ERP27: variants seen among roughly 807,000 people sequenced by gnomAD.
ERP27 encodes endoplasmic reticulum resident protein 27.
A neutral mutation model predicts 27.7 loss-of-function variants in ERP27; 23 were observed. The ratio of observed to expected loss-of-function variants is 0.83; its 90% confidence interval spans 0.60 to 1.18. The LOEUF (loss-of-function observed/expected upper bound fraction) is 1.18. Among genes scored for constraint, ERP27 ranks in the 50% most tolerant of loss-of-function variants. ERP27 has a pLI of 0.00. For synonymous variants in ERP27, 159 were observed against 118.3 expected, an observed-to-expected ratio of 1.34 and a Z score of -2.23; for missense variants, 363 against 327.9, an observed-to-expected ratio of 1.11 and a Z score of -0.83.
Position 14,914,689 on chromosome 12 carries a change from C to T in ERP27, c.*46G>A, listed in dbSNP as rs374539746. On this transcript the variant is annotated 3_prime_UTR_variant, in exon 7 of 7. Coordinates refer to ENST00000266397, the MANE Select transcript of ERP27 (RefSeq NM_152321.4). ...CTGAGATTTGAGTTGTGCCTTTTTA[C>T]TTTGCATAAAGTAGATACTTGGCCA... 7.0e-6 allele frequency: 11 copies of T among 1,570,936 alleles called. No individual in the cohort carries two copies. In the African/African-American group the frequency reaches 9.5e-5, roughly 14 times the overall value.
chr12:14,936,408 G>A (rs1450209666), intron 2 of ERP27, among the ~76,000 whole-genome samples: 5 of 152,162 alleles, frequency 3.3e-5, no homozygotes, highest in Non-Finnish European at 7.3e-5. Flanking sequence ...GCCTTCCATA[G>A]ACGCTGGCAT....
chr12:14,915,449 G>A, intron 6 of ERP27, 40 bp downstream of exon 6: 1 of 1,593,034 alleles, frequency 6.3e-7, no homozygotes, highest in Non-Finnish European at 8.6e-7. Context: ...AAGGGACATA[G>A]AAAGAAAACA....
chr12:14,914,623 T>G lies in ERP27; in HGVS notation c.*112A>C. On this transcript the variant is annotated 3_prime_UTR_variant, in exon 7 of 7. Coordinates refer to ENST00000266397, the MANE Select transcript of ERP27 (RefSeq NM_152321.4). Reference sequence around the variant, plus strand: ...GCGTGCGTGTGTGCACGTGCGTGTGTGTGTGGTTGGCAGGCCTAGTGATCC... The same window carrying G: ...GCGTGCGTGTGTGCACGTGCGTGTGGGTGTGGTTGGCAGGCCTAGTGATCC... The G allele has an allele frequency of 1.1e-6, 1 of 877,900 alleles. No individual in the cohort carries two copies. The highest frequency in any genetic ancestry group is 1.8e-6 in the Non-Finnish European group (1 of 545,472). The allele number at this position is 877,900 out of a possible 1,614,324, so 54.4% of individuals were successfully genotyped here.
chr12:14,921,120 C>G lies in ERP27; in HGVS notation c.334-72G>C, dbSNP rs1863497232. 3.2e-6 allele frequency: 4 copies of G among 1,252,102 alleles called. No individual in the cohort carries two copies. In the Admixed American group the frequency reaches 6.9e-5, roughly 22 times the overall value. The allele number at this position is 1,252,102 out of a possible 1,614,324, so 77.6% of individuals were successfully genotyped here. ...ATGTATTGATAAACGTCTTTAGACC[C>G]CCATGTGACAGGCACTGATTAAAGC... On this transcript the variant is annotated intron_variant, in intron 3 of 6. Transcript: ENST00000266397.
chr12:14,932,972 G>A (rs1188970328), intron 3 of ERP27, among the ~76,000 whole-genome samples: 1 of 152,196 alleles, frequency 6.6e-6, no homozygotes, highest in Non-Finnish European at 1.5e-5. Context: ...GCAAACATTT[G>A]AATCATGAGA....
At chr12:14,925,229 C>T (rs1863582697) in intron 3 of ERP27, among the ~76,000 whole-genome samples, 1 of 152,214 alleles carries the variant, frequency 6.6e-6, no homozygotes, top group African/African-American at 2.4e-5. Flanking sequence ...GACCCCTTTT[C>T]ACTAACATCT....
At chr12:14,921,527 C>T (rs1863503890) in intron 3 of ERP27, among the ~76,000 whole-genome samples, 1 of 152,132 alleles carries the variant, frequency 6.6e-6, no homozygotes, top group Admixed American at 6.6e-5. Context: ...TGGAAGTGTT[C>T]TGAAGCCAAG....
Position 14,929,244 on chromosome 12 carries a change from T to C in ERP27, c.333+5612A>G, listed in dbSNP as rs375189571. On this transcript the variant is annotated intron_variant, in intron 3 of 6. Transcript: ENST00000266397. Reference sequence around the variant, plus strand: ...GTGTTTCTGGACTTAAAGAATGCACTAAATTGGAGGCAGAGGATGTTAAGT... The same window carrying C: ...GTGTTTCTGGACTTAAAGAATGCACCAAATTGGAGGCAGAGGATGTTAAGT... 4 of 813,728 alleles carry C rather than the reference T, an allele frequency of 4.9e-6. No homozygotes were observed. In the East Asian group the frequency reaches 9.7e-5, roughly 20 times the overall value. 50.4% of individuals were successfully genotyped at this position (813,728 alleles called of 1,614,324 possible).
intron 3 of ERP27, among the ~76,000 whole-genome samples, chr12:14,929,998 C>T (rs1863674241): frequency 6.7e-6 from 1 of 150,136 alleles, no homozygotes; most frequent in Admixed American, 6.7e-5. Context: ...GGGAACATCA[C>T]ACACCAGGGC....
chr12:14,929,113 C>G (rs1863658524), intron 3 of ERP27: 1 of 1,501,298 alleles, frequency 6.7e-7, no homozygotes, highest in African/African-American at 1.4e-5. Flanking sequence ...CACCTCAGCT[C>G]ACATCGCTGT....
chr12:14,929,181 C>T (rs969525038), intron 3 of ERP27: 1 of 1,336,204 alleles, frequency 7.5e-7, no homozygotes, highest in African/African-American at 1.5e-5. Flanking sequence ...CTTCATACTT[C>T]CCAGAACAGG....
At chr12:14,933,198 T>G (rs933304270) in intron 3 of ERP27, among the ~76,000 whole-genome samples, 4 of 152,172 alleles carry the variant, frequency 2.6e-5, no homozygotes, top group African/African-American at 9.7e-5. Flanking sequence ...CAGAACAGTC[T>G]TTGCCTTCAC....
intron 4 of ERP27, among the ~76,000 whole-genome samples, chr12:14,918,403 T>C (rs1592272858): frequency 6.6e-6 from 1 of 152,188 alleles, no homozygotes; most frequent in Non-Finnish European, 1.5e-5. Flanking sequence ...TGATTAGAGA[T>C]GGTGATTTTT....
In ERP27 at chr12:14,938,470, A is replaced by G. The variant is rs751405746; in HGVS notation, c.39T>C (p.Phe13=). The change falls in exon 1 of 7, where the codon TTT becomes TTC. Residue 13 remains phenylalanine, a synonymous_variant. Transcript: ENST00000266397. ...CTGCAGCCAGCTCACACGTGAGGAG[A>G]AATAAGAGGAACATGAACCTGGACG... ...AAPSRFMFLL[F]LLTCELAAEV... is the part of the protein sequence containing the mutation. 3 of 1,614,060 alleles carry G rather than the reference A, an allele frequency of 1.9e-6. No individual in the cohort carries two copies. Among genetic ancestry groups the G allele is most frequent in the Non-Finnish European group, 1.7e-6 (2 of 1,179,996 alleles).
chr12:14,915,965 T>C, intron 5 of ERP27: 1 of 291,206 alleles, frequency 3.4e-6, no homozygotes, highest in East Asian at 7.0e-5. Context: ...GGGAGCTAAA[T>C]GATGAGAACT....
chr12:14,916,083 T>C (rs1046511831), intron 5 of ERP27, among the ~76,000 whole-genome samples: 8 of 152,118 alleles, frequency 5.3e-5, no homozygotes, highest in African/African-American at 1.7e-4. Context: ...GGGCTTAATG[T>C]GTGGGTGATG....
Position 14,937,421 on chromosome 12 carries a change from A to T in ERP27, c.195+531T>A, listed in dbSNP as rs74745162. Reference sequence around the variant, plus strand: ...TGGAAGATGGAGGTTAACACCTTGAATATACAAAATGCCATCATTTTCCAA... The same window carrying T: ...TGGAAGATGGAGGTTAACACCTTGATTATACAAAATGCCATCATTTTCCAA... On this transcript the variant is annotated intron_variant, in intron 2 of 6. Coordinates refer to ENST00000266397, the MANE Select transcript of ERP27 (RefSeq NM_152321.4). 2.6e-4 allele frequency among the ~76,000 whole-genome samples: 40 copies of T among 152,316 alleles called. No individual in the cohort carries two copies. The East Asian group carries it at 7.5e-3, about 29-fold the overall frequency.
At chr12:14,922,911 C>T (rs1321586941) in intron 3 of ERP27, among the ~76,000 whole-genome samples, 2 of 151,988 alleles carry the variant, frequency 1.3e-5, no homozygotes, top group African/African-American at 2.4e-5. Context: ...CCTGTCTCTA[C>T]TAAAAGTACA....
chr12:14,927,712 TC>T (rs34024515), intron 3 of ERP27, among the ~76,000 whole-genome samples: 47,114 of 151,406 alleles, frequency 0.31, 7,906 homozygotes, highest in Middle Eastern at 0.38. Context: ...CTAGATATTT[TC>T]CCTCTTTTAC....
Sources: allele counts gnomAD v4.1 joint callset (sites outside exome capture counted in the v4.1 genomes callset), GRCh38; gene constraint gnomAD v4.1.1; transcripts MANE v1.5; gene names NCBI Gene and HGNC (gene_info 2026-07-23, HGNC 2026-07-21).